The following AK5 variants were observed in gnomAD, a reference collection of about 807,000 sequenced individuals.
AK5 encodes adenylate kinase 5.
Under a neutral mutation model 69.5 loss-of-function variants are expected in AK5, and 27 were observed. The ratio of observed to expected loss-of-function variants is 0.39; its 90% CI spans 0.29 to 0.54. The LOEUF is 0.54. Ranked by LOEUF, AK5 falls within the 20% of genes least tolerant of loss-of-function variation. The pLI is 0.71. For synonymous variants in AK5, 260 were observed against 244.4 expected (o/e 1.06, Z -0.60); for missense variants, 531 against 700.4 (o/e 0.76, Z 2.73).
At chr1:77,414,818 A>G (rs1650286755) in intron 7 of AK5, among the ~76,000 whole-genome samples, 1 of 152,206 alleles carries the variant, frequency 6.6e-6, no homozygotes, top group African/African-American at 2.4e-5. Flanking sequence ...CAACGAAAGA[A>G]GGCAGTAATG....
intron 13 of AK5, among the ~76,000 whole-genome samples, chr1:77,552,249 C>T (rs1659857060): frequency 6.6e-6 from 1 of 152,172 alleles, no homozygotes; most frequent in South Asian, 2.1e-4. Context: ...CCAGCCTGCT[C>T]TTTGACTATA....
In AK5 at chr1:77,536,008, C is replaced by T. The variant is rs778919899; in HGVS notation, c.1590C>T (p.Ala530=). ...ACCGAGCGTCCATCCCCGTGATCGC[C>T]TACTACGAGACAAAAACACAGCTAC... ...AYYRASIPVI[A]YYETKTQLHK... is the part of the protein sequence containing the mutation. Residue 530 remains alanine (A), a synonymous_variant, in exon 13 of 14, where the codon GCC becomes GCT. Coordinates refer to ENST00000354567, the MANE Select transcript of AK5 (RefSeq NM_174858.3). 8.1e-6 allele frequency: 13 copies of T among 1,613,754 alleles called. No individual in the cohort carries two copies. In the Admixed American group the frequency reaches 1.2e-4, roughly 14 times the overall value.
rs1006987807 is a variant in AK5, at chr1:77,286,973, C to T, written c.93C>T (p.Pro31=). Residue 31 remains proline, a synonymous_variant, in exon 2 of 14, where the codon CCC becomes CCT. Coordinates refer to ENST00000354567, the MANE Select transcript of AK5 (RefSeq NM_174858.3). Reference sequence around the variant, plus strand: ...TGAATGGACTGATGTGTTCTAAGCCCGAAGATCCAGTAGAATACTTGGAAA... The same window carrying T: ...TGAATGGACTGATGTGTTCTAAGCCTGAAGATCCAGTAGAATACTTGGAAA... The part of the protein sequence containing the change: ...SLLNGLMCSK[P]EDPVEYLESC... The T allele has an allele frequency of 2.5e-6, 4 of 1,593,098 alleles. No individual in the cohort carries two copies. Among genetic ancestry groups the T allele is most frequent in the Non-Finnish European group, 2.6e-6 (3 of 1,168,672 alleles).
At chr1:77,304,716 A>G (rs1271623481) in intron 5 of AK5, among the ~76,000 whole-genome samples, 1 of 152,034 alleles carries the variant, frequency 6.6e-6, no homozygotes, top group Non-Finnish European at 1.5e-5. Flanking sequence ...TATGTACCAC[A>G]TTTGCTTTAT....
intron 10 of AK5, among the ~76,000 whole-genome samples, chr1:77,511,481 C>T (rs1310557143): frequency 6.6e-6 from 1 of 152,104 alleles, no homozygotes; most frequent in African/African-American, 2.4e-5. Context: ...CAGTCTTCAT[C>T]TTAGTGAGTA....
intron 6 of AK5, among the ~76,000 whole-genome samples, chr1:77,372,117 C>T (rs1203447364): frequency 6.6e-6 from 1 of 152,100 alleles, no homozygotes; most frequent in African/African-American, 2.4e-5. Flanking sequence ...ATACCACATA[C>T]TTCTCATACA....
At chr1:77,533,482 C>T (rs940207743) in intron 12 of AK5, among the ~76,000 whole-genome samples, 2 of 139,312 alleles carry the variant, frequency 1.4e-5, no homozygotes, top group Non-Finnish European at 3.0e-5. Flanking sequence ...GCACTCCAGC[C>T]TAGGCTGCAG....
rs17100630 is a variant in AK5, at chr1:77,493,783, G to C, written c.1147+7431G>C. Among the ~76,000 whole-genome samples the C allele has an allele frequency of 3.7e-3, 559 of 152,248 alleles. 1 individual carries two copies. Among genetic ancestry groups the C allele is most frequent in the African/African-American group, 0.013 (546 of 41,532 alleles). ...GTAGAGTAAAGAAAAAGAGACATTGGACTACTTTCCAAGAGACCCTCAAAT... is the reference window on the plus strand; with the variant it reads ...GTAGAGTAAAGAAAAAGAGACATTGCACTACTTTCCAAGAGACCCTCAAAT... On this transcript the variant is annotated intron_variant, in intron 10 of 13. Transcript: ENST00000354567.
intron 3 of AK5, among the ~76,000 whole-genome samples, chr1:77,297,257 A>C (rs1659063169): frequency 6.6e-6 from 1 of 152,180 alleles, no homozygotes; most frequent in Non-Finnish European, 1.5e-5. Flanking sequence ...TTTTACATAG[A>C]AAAAAGTCAA....
intron 6 of AK5, among the ~76,000 whole-genome samples, chr1:77,398,726 T>C (rs1648995437): frequency 6.6e-6 from 1 of 152,176 alleles, no homozygotes; most frequent in Non-Finnish European, 1.5e-5. Context: ...TACCAAGTCA[T>C]TTCAAAGTAT....
chr1:77,446,030 C>T (rs1652731579), intron 8 of AK5, among the ~76,000 whole-genome samples: 1 of 152,214 alleles, frequency 6.6e-6, no homozygotes, highest in South Asian at 2.1e-4. Context: ...GATCTTTTCT[C>T]CTGTGTTTTC....
In AK5 at chr1:77,348,955, T is replaced by C. The variant is rs987306824; in HGVS notation, c.891+8387T>C. Among the ~76,000 whole-genome samples, 3 of 152,210 alleles carry C rather than the reference T, an allele frequency of 2.0e-5. No individual in the cohort carries two copies. The East Asian group carries it at 5.8e-4, about 29-fold the overall frequency. ...TTTGGTAATGTCCCTAGACTAAATT[T>C]TTTTCATGTTTAAGGCCAAACTAAT... On this transcript the variant is annotated intron_variant, in intron 6 of 13. Coordinates refer to ENST00000354567, the MANE Select transcript of AK5 (RefSeq NM_174858.3).
chr1:77,324,747 A>C (rs1345330380), intron 5 of AK5, among the ~76,000 whole-genome samples: 1 of 151,824 alleles, frequency 6.6e-6, no homozygotes, highest in African/African-American at 2.4e-5. Flanking sequence ...GTTGTAGTTA[A>C]AGGGGCATGA....
At chr1:77,421,364 G>A (rs369712697) in intron 8 of AK5, among the ~76,000 whole-genome samples, 2 of 152,142 alleles carry the variant, frequency 1.3e-5, no homozygotes, top group African/African-American at 4.8e-5. Context: ...AAAAGGTAGA[G>A]CTAGGATTCA....
At chr1:77,367,626 ATGTAATATATATGT>A (rs1646991735) in intron 6 of AK5, among the ~76,000 whole-genome samples, 2 of 101,222 alleles carry the variant, frequency 2.0e-5, no homozygotes, top group Admixed American at 1.3e-4. Context: ...TATGTTATAT[ATGTAATATATATGT>A]TATGTTATAT....
chr1:77,299,109 A>G (rs1659191551), intron 5 of AK5, among the ~76,000 whole-genome samples: 2 of 152,276 alleles, frequency 1.3e-5, no homozygotes, highest in Non-Finnish European at 2.9e-5. Context: ...GTTGAATGAC[A>G]GTATCTTTTT....
chr1:77,394,338 G>C (rs1648689861), intron 6 of AK5, among the ~76,000 whole-genome samples: 1 of 152,102 alleles, frequency 6.6e-6, no homozygotes, highest in South Asian at 2.1e-4. Context: ...GATCTTCATG[G>C]GCCTGGAATA....
intron 10 of AK5, among the ~76,000 whole-genome samples, chr1:77,508,866 C>CAAA (rs11380102): frequency 1.5e-5 from 2 of 133,976 alleles, no homozygotes; most frequent in Non-Finnish European, 1.6e-5. Context: ...GACTCCATCT[C>CAAA]AAAAAAAAAA....
intron 6 of AK5, among the ~76,000 whole-genome samples, chr1:77,351,126 G>T (rs1385178705): frequency 2.0e-5 from 3 of 152,204 alleles, no homozygotes; most frequent in African/African-American, 7.2e-5. Context: ...GGGCGCGGTG[G>T]CTCATGTCTG....
Sources: allele counts gnomAD v4.1 joint callset (sites outside exome capture counted in the v4.1 genomes callset), GRCh38; gene constraint gnomAD v4.1.1; transcripts MANE v1.5; gene names NCBI Gene and HGNC (gene_info 2026-07-23, HGNC 2026-07-21).